NUP210L: variants seen among roughly 807,000 people sequenced by gnomAD.
NUP210L encodes the protein nuclear pore membrane glycoprotein 210-like.
NUP210L carries 74 observed loss-of-function variants against 208.5 expected under a neutral mutation model. The ratio of observed to expected loss-of-function variants is 0.35; its 90% confidence interval spans 0.29 to 0.43. NUP210L has a LOEUF of 0.43. NUP210L is among the 20% of genes least tolerant of loss of function. The pLI, the probability that NUP210L is intolerant of heterozygous loss-of-function variation, is 1.00. For synonymous variants in NUP210L, 780 were observed against 816.9 expected, an observed-to-expected ratio of 0.95 and a Z score of 0.77; for missense variants, 1,843 against 2,289.4, an observed-to-expected ratio of 0.81 and a Z score of 3.98.
At chr1:154,100,719 T>C (rs1174030057) in intron 13 of NUP210L, among the ~76,000 whole-genome samples, 2 of 151,130 alleles carry the variant, frequency 1.3e-5, no homozygotes, top group East Asian at 4.1e-4. Flanking sequence ...AGGGTTTCAC[T>C]GTATTGGCCA....
intron 10 of NUP210L, among the ~76,000 whole-genome samples, chr1:154,120,556 A>AC (rs1371543241): frequency 2.6e-5 from 4 of 151,862 alleles, no homozygotes; most frequent in Non-Finnish European, 5.9e-5. Context: ...CAGCACACCA[A>AC]CATGGCACAT....
intron 7 of NUP210L, among the ~76,000 whole-genome samples, chr1:154,134,053 G>T (rs976126861): frequency 2.0e-5 from 3 of 151,516 alleles, no homozygotes; most frequent in Admixed American, 2.0e-4. Context: ...AGGAGGCCGA[G>T]GCAGGAGAAT....
intron 15 of NUP210L, among the ~76,000 whole-genome samples, chr1:154,094,154 G>A (rs1571264818): frequency 6.6e-6 from 1 of 152,222 alleles, no homozygotes; most frequent in East Asian, 1.9e-4. Context: ...GTGGTGGCGT[G>A]CACCTGTCAT....
At chr1:153,995,721 T>C in intron 37 of NUP210L, 1 of 890,572 alleles carries the variant, frequency 1.1e-6, no homozygotes, top group South Asian at 1.3e-5. Flanking sequence ...GTAATAGAAT[T>C]GTTTACCTTT....
chr1:154,008,725 AAAAC>A (rs78902347), intron 35 of NUP210L, among the ~76,000 whole-genome samples: 8,676 of 152,076 alleles, frequency 0.057, 385 homozygotes, highest in East Asian at 0.17. Flanking sequence ...ACAAAACAAA[AAAAC>A]AAACAAACCA....
intron 16 of NUP210L, among the ~76,000 whole-genome samples, chr1:154,071,992 G>C (rs1272835443): frequency 6.6e-6 from 1 of 151,900 alleles, no homozygotes; most frequent in Non-Finnish European, 1.5e-5. Context: ...GTGTGTGTGT[G>C]TGTGTGTGTA....
chr1:154,049,526 C>T (rs1160799317), intron 25 of NUP210L, among the ~76,000 whole-genome samples: 3 of 152,078 alleles, frequency 2.0e-5, no homozygotes, highest in African/African-American at 7.2e-5. Context: ...AACAGACAAG[C>T]CAATTTGGAT....
chr1:154,150,086 G>A lies in NUP210L; in HGVS notation c.340+2650C>T, dbSNP rs562617004. Reference sequence around the variant, plus strand: ...TCTATAAAAATTACAAAAATTTAGCGGGGCAAGGCCAGGTGTGGTGGCTCA... The same window carrying A: ...TCTATAAAAATTACAAAAATTTAGCAGGGCAAGGCCAGGTGTGGTGGCTCA... On this transcript the variant is annotated intron_variant, in intron 2 of 39. Coordinates refer to ENST00000368559, the Ensembl canonical transcript of NUP210L. Among the ~76,000 whole-genome samples, 179 of 152,284 alleles carry A rather than the reference G, an allele frequency of 1.2e-3. 1 individual carries two copies. The highest frequency in any genetic ancestry group is 0.012 in the South Asian group (56 of 4,828).
At chr1:154,025,766 A>G in intron 29 of NUP210L, 50 bp from the exon 30 acceptor site, 1 of 1,509,870 alleles carries the variant, frequency 6.6e-7, no homozygotes, top group Non-Finnish European at 9.0e-7. Context: ...CTGTCTGACC[A>G]GAGAGAAAAG....
intron 14 of NUP210L, among the ~76,000 whole-genome samples, chr1:154,098,664 A>G (rs930366747): frequency 8.5e-5 from 13 of 152,142 alleles, no homozygotes; most frequent in Admixed American, 2.0e-4. Context: ...TTTTATGGGC[A>G]TCAGAGGGGA....
At chr1:154,077,635 G>C (rs2148024529) in intron 16 of NUP210L, among the ~76,000 whole-genome samples, 1 of 152,212 alleles carries the variant, frequency 6.6e-6, no homozygotes, top group East Asian at 1.9e-4. Flanking sequence ...TAAATATAAA[G>C]GACAGTATAA....
chr1:154,144,936 C>T (rs1659043585), intron 2 of NUP210L, among the ~76,000 whole-genome samples: 1 of 152,118 alleles, frequency 6.6e-6, no homozygotes, highest in South Asian at 2.1e-4. Flanking sequence ...TGGTGAAACT[C>T]CGTCTCTATT....
At chr1:154,103,869 A>T in intron 13 of NUP210L, 143 bp downstream of exon 13, 2 of 622,892 alleles carry the variant, frequency 3.2e-6, no homozygotes. Flanking sequence ...AAGAAAAGTA[A>T]TATGTGAACT....
At chr1:154,055,159 C>CTT in intron 23 of NUP210L, among the ~76,000 whole-genome samples, 1 of 115,480 alleles carries the variant, frequency 8.7e-6, no homozygotes, top group South Asian at 2.9e-4. Context: ...TTCTTTCTTT[C>CTT]TTTCTTTCTT....
chr1:154,092,558 T>G (rs888393021), intron 15 of NUP210L, among the ~76,000 whole-genome samples: 87 of 151,312 alleles, frequency 5.7e-4, no homozygotes, highest in East Asian at 4.7e-3. Context: ...TTGTTTTTTT[T>G]TTTTTTTTAG....
intron 21 of NUP210L, 105 bp downstream of exon 21, chr1:154,058,459 AG>A (rs1451218459): frequency 7.7e-7 from 1 of 1,298,532 alleles, no homozygotes; most frequent in Non-Finnish European, 1.1e-6. Flanking sequence ...CATTACCAGA[AG>A]TCCTGGTATA....
At chr1:154,055,878 C>CT (rs545175841) in intron 23 of NUP210L, among the ~76,000 whole-genome samples, 4 of 151,966 alleles carry the variant, frequency 2.6e-5, no homozygotes, top group Admixed American at 2.0e-4. Flanking sequence ...AGTTAACTTT[C>CT]TTTTTTTTGA....
At position 154,058,198 on chromosome 1, in the gene NUP210L, C is replaced by T; in HGVS notation, c.2998G>A (p.Val1000Met). 1.9e-6 allele frequency: 3 copies of T among 1,614,038 alleles called. No homozygotes were observed. The East Asian group carries it at 6.7e-5, about 36-fold the overall frequency. The stretch of plus-strand genomic sequence containing the variant: ...CCAAGAACCCTCACAGTCACTAACA[C>T]AGTTTTGTCTATTTCAACCTAGTAG... Residue 1000 changes from valine to methionine, a missense_variant, in exon 22 of 40, where the codon GTG becomes ATG. Coordinates refer to ENST00000368559, the Ensembl canonical transcript of NUP210L.
At chr1:154,117,631 A>G in intron 12 of NUP210L, 94 bp downstream of exon 12, 1 of 922,582 alleles carries the variant, frequency 1.1e-6, no homozygotes, top group Non-Finnish European at 1.6e-6. Flanking sequence ...ATTTTTAAAT[A>G]GCCATGTTGG....
Sources: allele counts gnomAD v4.1 joint callset (sites outside exome capture counted in the v4.1 genomes callset), GRCh38; gene constraint gnomAD v4.1.1; transcripts MANE v1.5; gene names NCBI Gene and HGNC (gene_info 2026-07-23, HGNC 2026-07-21).